TTLL11: variants seen among roughly 807,000 people sequenced by gnomAD.
The protein encoded by TTLL11 is tubulin polyglutamylase TTLL11.
A neutral mutation model predicts 51.7 loss-of-function variants in TTLL11; 42 were observed. The ratio of observed to expected loss-of-function variants is 0.81; its 90% confidence interval spans 0.64 to 1.05. TTLL11 has a LOEUF of 1.05. Ranked by LOEUF, TTLL11 falls within the 50% of genes least tolerant of loss-of-function variation. The pLI, the probability that TTLL11 is intolerant of heterozygous loss-of-function variation, is 0.00. For missense variants in TTLL11, 799 were observed against 940.4 expected, an observed-to-expected ratio of 0.85 and a Z score of 1.97; for synonymous variants, 381 against 383.5, an observed-to-expected ratio of 0.99 and a Z score of 0.08.
intron 3 of TTLL11, among the ~76,000 whole-genome samples, chr9:122,014,283 C>A (rs1453919808): frequency 6.6e-6 from 1 of 151,964 alleles, no homozygotes; most frequent in Admixed American, 6.6e-5. Flanking sequence ...GAAAATTGCT[C>A]GAACCCAGGA....
intron 6 of TTLL11, among the ~76,000 whole-genome samples, chr9:121,906,592 G>T (rs1342629221): frequency 2.6e-5 from 4 of 151,970 alleles, no homozygotes; most frequent in Non-Finnish European, 4.4e-5. Context: ...AACAGGAGGA[G>T]GATTTTTTTT....
At chr9:121,923,731 G>A (rs917881391) in intron 6 of TTLL11, among the ~76,000 whole-genome samples, 1 of 152,332 alleles carries the variant, frequency 6.6e-6, no homozygotes, top group African/African-American at 2.4e-5. Flanking sequence ...TCAAGCCTGA[G>A]CTTTCCTTCC....
intron 1 of TTLL11, among the ~76,000 whole-genome samples, chr9:122,050,779 C>T (rs777424765): frequency 2.2e-4 from 33 of 152,136 alleles, no homozygotes; most frequent in Non-Finnish European, 3.4e-4. Flanking sequence ...CCTAGGGAGA[C>T]GCCCACATGG....
intron 8 of TTLL11, among the ~76,000 whole-genome samples, chr9:121,837,029 T>C (rs946900703): frequency 6.6e-6 from 1 of 152,230 alleles, no homozygotes; most frequent in Non-Finnish European, 1.5e-5. Flanking sequence ...GATCACCTTA[T>C]AGCTACCGTA....
chr9:121,917,808 T>C (rs1384734671), intron 6 of TTLL11, among the ~76,000 whole-genome samples: 4 of 152,178 alleles, frequency 2.6e-5, no homozygotes, highest in South Asian at 2.1e-4. Context: ...CATTGCTCCA[T>C]AGGAAATAAA....
At chr9:122,043,570 A>G (rs1019444283) in intron 1 of TTLL11, among the ~76,000 whole-genome samples, 1 of 152,186 alleles carries the variant, frequency 6.6e-6, no homozygotes, top group Admixed American at 6.5e-5. Flanking sequence ...CACTAGAAAT[A>G]CAGAAAATAT....
chr9:122,056,155 G>A (rs865994564), intron 1 of TTLL11, among the ~76,000 whole-genome samples: 1 of 152,142 alleles, frequency 6.6e-6, no homozygotes, highest in Non-Finnish European at 1.5e-5. Flanking sequence ...GAGAGAAGAG[G>A]TCTCCTAGAG....
chr9:121,942,524 G>C (rs899531896), intron 6 of TTLL11, among the ~76,000 whole-genome samples: 3 of 152,000 alleles, frequency 2.0e-5, no homozygotes, highest in African/African-American at 7.3e-5. Flanking sequence ...TCCTAGAAGA[G>C]TGCCCGGTAC....
chr9:122,031,631 G>C, intron 3 of TTLL11, 92 bp downstream of exon 3: 1 of 1,490,112 alleles, frequency 6.7e-7, no homozygotes, highest in Non-Finnish European at 9.0e-7. Flanking sequence ...AGCTCCCTGG[G>C]ACCCCCTGTC....
At chr9:122,047,446 G>A (rs895876736) in intron 1 of TTLL11, among the ~76,000 whole-genome samples, 2 of 152,168 alleles carry the variant, frequency 1.3e-5, no homozygotes, top group Admixed American at 1.3e-4. Flanking sequence ...GGACAAGAGG[G>A]AAGTGGTGGA....
chr9:122,014,531 T>C (rs953996502), intron 3 of TTLL11, among the ~76,000 whole-genome samples: 12 of 152,188 alleles, frequency 7.9e-5, no homozygotes, highest in Admixed American at 5.9e-4. Context: ...CTGTGTTTAA[T>C]TCCATCCCAG....
intron 6 of TTLL11, among the ~76,000 whole-genome samples, chr9:121,915,801 A>G (rs924989694): frequency 6.6e-5 from 10 of 151,956 alleles, no homozygotes; most frequent in African/African-American, 2.4e-4. Context: ...TTTACATTTT[A>G]TTGGCTTATA....
At chr9:121,919,707 A>G (rs1223663890) in intron 6 of TTLL11, among the ~76,000 whole-genome samples, 1 of 152,172 alleles carries the variant, frequency 6.6e-6, no homozygotes, top group East Asian at 1.9e-4. Context: ...AATACAGAGC[A>G]TGAGGTCCAC....
At chr9:121,826,296 G>GTATATATATATATGGGTTTA (rs1836766626) in intron 8 of TTLL11, among the ~76,000 whole-genome samples, 1 of 90,242 alleles carries the variant, frequency 1.1e-5, no homozygotes, top group African/African-American at 6.1e-5. Flanking sequence ...GTGTGTGGGT[G>GTATATATATATATGGGTTTA]TATATATATA....
chr9:121,977,938 G>A (rs568493092), intron 4 of TTLL11, among the ~76,000 whole-genome samples: 2 of 152,214 alleles, frequency 1.3e-5, no homozygotes, highest in East Asian at 3.9e-4. Flanking sequence ...TCCTCCCAAA[G>A]TTCTGGGATT....
intron 6 of TTLL11, among the ~76,000 whole-genome samples, chr9:121,882,475 C>G (rs1444333135): frequency 6.6e-5 from 10 of 152,202 alleles, no homozygotes; most frequent in African/African-American, 2.4e-4. Flanking sequence ...TCACAGCATT[C>G]AATGAAGCTG....
chr9:121,850,569 AAG>A (rs151277459), intron 8 of TTLL11, among the ~76,000 whole-genome samples: 1 of 151,810 alleles, frequency 6.6e-6, no homozygotes, highest in Non-Finnish European at 1.5e-5. Flanking sequence ...GGTGGTGGGC[AAG>A]AGAGAGAGAG....
At position 121,897,648 on chromosome 9, in the gene TTLL11, G is replaced by GCA. The variant is rs1157891195; in HGVS notation, c.1482-26901_1482-26900insTG. ...CACACACACACACACACACGCGCGC[G>GCA]CGAAGTCTCCAACTGCCCCGGGAGG... On this transcript the variant is annotated intron_variant, in intron 6 of 8. Transcript: ENST00000321582. Among the ~76,000 whole-genome samples, 497 of 57,622 alleles carry GCA rather than the reference G, an allele frequency of 8.6e-3. 4 individuals carry two copies. Among genetic ancestry groups the GCA allele is most frequent in the East Asian group, 0.032 (47 of 1,466 alleles). 37.8% of individuals were successfully genotyped at this position (57,622 alleles called of 152,430 possible). A position where few individuals can be genotyped will look rare whatever the true frequency, so the allele number is the denominator to read the frequency against.
chr9:121,998,231 G>C (rs573159401), intron 3 of TTLL11, among the ~76,000 whole-genome samples: 1 of 152,126 alleles, frequency 6.6e-6, no homozygotes, highest in South Asian at 2.1e-4. Context: ...GTCCCTTGCA[G>C]TCCTGCCATA....
Sources: allele counts gnomAD v4.1 joint callset (sites outside exome capture counted in the v4.1 genomes callset), GRCh38; gene constraint gnomAD v4.1.1; transcripts MANE v1.5; gene names NCBI Gene and HGNC (gene_info 2026-07-23, HGNC 2026-07-21).